Variants in PCSK2 observed in about 807,000 individuals in gnomAD.
The protein encoded by PCSK2 is proprotein convertase subtilisin/kexin type 2, also known as neuroendocrine convertase 2.
Under a neutral mutation model 69.7 loss-of-function variants are expected in PCSK2, and 14 were observed. That is an observed-to-expected ratio of 0.20 (90% CI 0.13 to 0.31). The LOEUF is 0.31. Ranked by LOEUF, PCSK2 falls within the 10% of genes least tolerant of loss-of-function variation. PCSK2 has a pLI of 1.00. For synonymous variants in PCSK2, 307 were observed against 320.7 expected (o/e 0.96, Z 0.46); for missense variants, 544 against 842.5 (o/e 0.65, Z 4.39).
In PCSK2 at chr20:17,358,357, G is replaced by C. The variant is rs1157884518; in HGVS notation, c.313G>C (p.Asp105His). ...VKMALQQEGFDRKKRGYRDIN... is the reference protein window; with the variant it reads ...VKMALQQEGFHRKKRGYRDIN... ...GATGGCTTTGCAGCAGGAAGGATTT[G>C]ACCGAAAAAAGCGAGGTTACAGAGA... The change falls in exon 3 of 12, where the codon GAC (aspartate) becomes CAC (histidine). Residue 105 changes from aspartate to histidine, a missense_variant. Physicochemically the swap from Asp to His is moderately conservative, Grantham distance 81. Around this residue, in one of 3 missense-constraint regions of PCSK2, gnomAD observed 157 missense variants for 155.0 expected, o/e 1.01. Coordinates refer to ENST00000262545, the MANE Select transcript of PCSK2 (RefSeq NM_002594.5). The C allele has an allele frequency of 5.0e-6, 8 of 1,611,964 alleles. No individual in the cohort carries two copies. Among genetic ancestry groups the C allele is most frequent in the Non-Finnish European group, 5.9e-6 (7 of 1,178,250 alleles).
chr20:17,437,991 CCA>C (rs1491107552), intron 8 of PCSK2, among the ~76,000 whole-genome samples: 2 of 147,486 alleles, frequency 1.4e-5, no homozygotes, highest in African/African-American at 2.5e-5. Context: ...CAGTTCCCCC[CCA>C]CCCACACCGT....
In PCSK2 at chr20:17,293,120, C is replaced by T. The variant is rs147777074; in HGVS notation, c.282+32776C>T. Among the ~76,000 whole-genome samples, 46 of 152,266 alleles carry T rather than the reference C, an allele frequency of 3.0e-4. No homozygotes were observed. The East Asian group carries it at 6.0e-3, about 20-fold the overall frequency. The stretch of plus-strand genomic sequence containing the variant: ...AATTACAGGCATGAGCCACCACACT[C>T]GGCCCTTATTACATTTTCTAAAACT... On this transcript the variant is annotated intron_variant, in intron 2 of 11. Coordinates refer to ENST00000262545, the MANE Select transcript of PCSK2 (RefSeq NM_002594.5).
chr20:17,255,315 CA>C (rs1344779720), intron 1 of PCSK2, among the ~76,000 whole-genome samples: 1 of 151,952 alleles, frequency 6.6e-6, no homozygotes, highest in Non-Finnish European at 1.5e-5. Flanking sequence ...ATAGATTTAT[CA>C]GATTGAGAAA....
intron 1 of PCSK2, among the ~76,000 whole-genome samples, chr20:17,252,007 C>T (rs1987000854): frequency 6.6e-6 from 1 of 152,188 alleles, no homozygotes; most frequent in Admixed American, 6.5e-5. Flanking sequence ...AACATGGCAG[C>T]CTGAGAGGAG....
At chr20:17,272,861 T>C (rs551338003) in intron 2 of PCSK2, among the ~76,000 whole-genome samples, 5 of 152,234 alleles carry the variant, frequency 3.3e-5, no homozygotes, top group African/African-American at 1.2e-4. Context: ...ATCTGGTTGA[T>C]TTGTGTGTGT....
At chr20:17,244,877 C>A (rs940010155) in intron 1 of PCSK2, among the ~76,000 whole-genome samples, 3 of 152,146 alleles carry the variant, frequency 2.0e-5, no homozygotes, top group African/African-American at 7.2e-5. Flanking sequence ...GTCATTTCAT[C>A]CCCTCATCAC....
In PCSK2 at chr20:17,482,134, T is replaced by A. The variant is rs2033416561; in HGVS notation, c.*64T>A. The stretch of plus-strand genomic sequence containing the variant: ...GCTCCGCCTCTGTCCTCGCTCCACG[T>A]TTCAGGCAGGCACCTAGCAATTCCA... On this transcript the variant is annotated 3_prime_UTR_variant, in exon 12 of 12. Transcript: ENST00000262545. The A allele has an allele frequency of 2.7e-6, 4 of 1,471,282 alleles. No homozygotes were observed. In the Admixed American group the frequency reaches 9.2e-5, roughly 34 times the overall value. 91.1% of individuals were successfully genotyped at this position (1,471,282 alleles called of 1,614,324 possible).
chr20:17,276,430 T>G (rs1988077776), intron 2 of PCSK2, among the ~76,000 whole-genome samples: 1 of 144,332 alleles, frequency 6.9e-6, no homozygotes, highest in Admixed American at 7.2e-5. Flanking sequence ...AAGATGAGAT[T>G]TAACTTTTAA....
At chr20:17,435,630 T>G (rs1172607098) in intron 7 of PCSK2, among the ~76,000 whole-genome samples, 1 of 151,894 alleles carries the variant, frequency 6.6e-6, no homozygotes, top group Non-Finnish European at 1.5e-5. Flanking sequence ...AAGGAAGGAG[T>G]TTTGGGGCCC....
chr20:17,480,569 G>A (rs556703007), intron 11 of PCSK2, among the ~76,000 whole-genome samples: 10 of 152,172 alleles, frequency 6.6e-5, no homozygotes, highest in Non-Finnish European at 1.5e-4. Context: ...TTGAAAGAAA[G>A]ACATTATGAG....
At chr20:17,356,927 G>A (rs1436355908) in intron 2 of PCSK2, among the ~76,000 whole-genome samples, 1 of 152,042 alleles carries the variant, frequency 6.6e-6, no homozygotes, top group Admixed American at 6.6e-5. Flanking sequence ...GCAGCAGGCG[G>A]GCACCTAGAA....
At chr20:17,395,293 G>A (rs564301752) in intron 5 of PCSK2, among the ~76,000 whole-genome samples, 6 of 152,296 alleles carry the variant, frequency 3.9e-5, no homozygotes, top group Admixed American at 2.6e-4. Context: ...AGAAACTCAA[G>A]TCCCTGAGTC....
intron 7 of PCSK2, 98 bp from the exon 8 acceptor site, chr20:17,436,610 C>A: frequency 9.7e-7 from 1 of 1,026,072 alleles, no homozygotes; most frequent in Non-Finnish European, 1.5e-6. Context: ...AGATCTCCAA[C>A]CATTCCAAGT....
At chr20:17,297,390 A>G (rs531551414) in intron 2 of PCSK2, among the ~76,000 whole-genome samples, 2 of 152,318 alleles carry the variant, frequency 1.3e-5, no homozygotes, top group African/African-American at 4.8e-5. Context: ...GTCAGGTGCT[A>G]TGGTGGAGTT....
chr20:17,272,763 A>C (rs1433227963), intron 2 of PCSK2, among the ~76,000 whole-genome samples: 2 of 152,124 alleles, frequency 1.3e-5, no homozygotes, highest in Non-Finnish European at 1.5e-5. Flanking sequence ...CAAAGTTCTG[A>C]AAAATCATTC....
chr20:17,350,603 C>T (rs2029951273), intron 2 of PCSK2, among the ~76,000 whole-genome samples: 1 of 152,090 alleles, frequency 6.6e-6, no homozygotes, highest in South Asian at 2.1e-4. Flanking sequence ...GTTATGTGCC[C>T]ATAGGGAGAG....
Position 17,462,510 on chromosome 20 carries a change from C to T in PCSK2, c.1203-2816C>T, listed in dbSNP as rs115908059. ...CAGTGAGAACTCCTGACTAGGATAACACAGAGGCTCCACTGATGCCTCCCT... is the reference window on the plus strand; with the variant it reads ...CAGTGAGAACTCCTGACTAGGATAATACAGAGGCTCCACTGATGCCTCCCT... On this transcript the variant is annotated intron_variant, in intron 10 of 11. Transcript: ENST00000262545. 4.5e-3 allele frequency among the ~76,000 whole-genome samples: 686 copies of T among 152,340 alleles called. 8 individuals carry two copies. Among genetic ancestry groups the T allele is most frequent in the African/African-American group, 0.016 (647 of 41,576 alleles).
rs573161749 is a variant in PCSK2, at chr20:17,443,169, G to A, written c.885+6286G>A. Reference sequence around the variant, plus strand: ...CAGAGTCCTCGAAGTGAACATCATGGTGACAGCAGCTAAATGTCCATTGCT... The same window carrying A: ...CAGAGTCCTCGAAGTGAACATCATGATGACAGCAGCTAAATGTCCATTGCT... On this transcript the variant is annotated intron_variant, in intron 8 of 11. Coordinates refer to ENST00000262545, the MANE Select transcript of PCSK2 (RefSeq NM_002594.5). Among the ~76,000 whole-genome samples the A allele has an allele frequency of 3.9e-5, 6 of 152,320 alleles. No homozygotes were observed. The South Asian group carries it at 1.2e-3, about 32-fold the overall frequency.
intron 2 of PCSK2, among the ~76,000 whole-genome samples, chr20:17,271,211 T>C (rs146613576): frequency 6.6e-6 from 1 of 152,104 alleles, no homozygotes; most frequent in East Asian, 1.9e-4. Context: ...TCCTGTACTG[T>C]TCAAACCAAT....
Sources: allele counts gnomAD v4.1 joint callset (sites outside exome capture counted in the v4.1 genomes callset), GRCh38; gene constraint gnomAD v4.1.1; regional missense constraint gnomAD v4.1.1; transcripts MANE v1.5; gene names NCBI Gene and HGNC (gene_info 2026-07-23, HGNC 2026-07-21).